Variants in CDH1 observed in about 807,000 individuals in gnomAD.
CDH1 encodes the protein cadherin 1.
CDH1 carries 35 observed loss-of-function variants against 84.5 expected under a neutral mutation model. The observed-to-expected ratio is 0.41, with a 90% CI of 0.32 to 0.55. The LOEUF (loss-of-function observed/expected upper bound fraction) is 0.55, where lower values mean the gene tolerates loss of function less well. Among genes scored for constraint, CDH1 ranks in the 20% least tolerant of loss-of-function variants. The pLI is 0.19. For missense variants in CDH1, 994 were observed against 1,126.6 expected, an observed-to-expected ratio of 0.88 and a Z score of 1.68; for synonymous variants, 417 against 439.0, an observed-to-expected ratio of 0.95 and a Z score of 0.63.
chr16:68,833,191 G>T, intron 15 of CDH1, 99 bp from the exon 16 acceptor site: 3 of 971,640 alleles, frequency 3.1e-6, no homozygotes, highest in Non-Finnish European at 5.0e-6. Context: ...CACAAGTCTG[G>T]GTGCATTGTC....
rs1597897961 is a variant in CDH1 at position 68,815,613 on chromosome 16, C to T, written c.1419C>T (p.Val473=). Residue 473 remains valine (V), a synonymous_variant, in exon 10 of 16, where the codon GTC becomes GTT. Coordinates refer to ENST00000261769, the MANE Select transcript of CDH1 (RefSeq NM_004360.5). ...CTCTCACCACCTCCACAGCCACCGT[C>T]ACCGTGGATGTGCTGGATGTGAATG... ...EVSLTTSTAT[V]TVDVLDVNEA... 6.2e-7 allele frequency: 1 copy of T among 1,614,222 alleles called. No homozygotes were observed. Among genetic ancestry groups the T allele is most frequent in the Middle Eastern group, 1.6e-4 (1 of 6,062 alleles).
At chr16:68,764,393 A>G (rs1959310732) in intron 2 of CDH1, among the ~76,000 whole-genome samples, 2 of 152,222 alleles carry the variant, frequency 1.3e-5, no homozygotes, top group Admixed American at 6.5e-5. Context: ...CCTGGCCAAC[A>G]TGGCGAATCC....
chr16:68,790,250 G>A lies in CDH1; in HGVS notation c.164-11420G>A, dbSNP rs772759145. Among the ~76,000 whole-genome samples, 55 of 152,256 alleles carry A rather than the reference G, an allele frequency of 3.6e-4. 1 individual carries two copies. Among genetic ancestry groups the A allele is most frequent in the Middle Eastern group, 3.4e-3 (1 of 294 alleles). ...GCCTGTCAGCTGCCCTTTCCTGCAC[G>A]GGGCATCAGGGAGAGAGAGGAGGAG... On this transcript the variant is annotated intron_variant, in intron 2 of 15. Transcript: ENST00000261769.
intron 7 of CDH1, 131 bp from the exon 8 acceptor site, chr16:68,812,004 C>A (rs1960849962): frequency 6.8e-7 from 1 of 1,480,464 alleles, no homozygotes; most frequent in Non-Finnish European, 9.4e-7. Context: ...CCCAGAGGTT[C>A]CGTGCCTAGA....
chr16:68,814,018 C>CCTG (rs1306737166), intron 9 of CDH1, among the ~76,000 whole-genome samples: 1 of 152,080 alleles, frequency 6.6e-6, no homozygotes, highest in Non-Finnish European at 1.5e-5. Context: ...GGGCAGATCA[C>CCTG]AAGGTCAAGA....
At chr16:68,792,346 C>T (rs951052879) in intron 2 of CDH1, among the ~76,000 whole-genome samples, 18 of 152,054 alleles carry the variant, frequency 1.2e-4, no homozygotes, top group African/African-American at 3.9e-4. Context: ...TCTCCTGCCT[C>T]AGCCTCCCGA....
chr16:68,740,829 T>C (rs968837066), intron 2 of CDH1, among the ~76,000 whole-genome samples: 2 of 152,192 alleles, frequency 1.3e-5, no homozygotes, highest in African/African-American at 2.4e-5. Context: ...GGCACTGTTA[T>C]TCTTCCTACT....
chr16:68,768,754 A>G (rs1959458981), intron 2 of CDH1, among the ~76,000 whole-genome samples: 2 of 152,218 alleles, frequency 1.3e-5, no homozygotes. Flanking sequence ...CCACCGGGGA[A>G]CATTTTTGTA....
intron 2 of CDH1, among the ~76,000 whole-genome samples, chr16:68,773,119 A>T (rs1231509299): frequency 1.3e-5 from 2 of 152,092 alleles, no homozygotes; most frequent in African/African-American, 4.8e-5. Context: ...TTGTAACACC[A>T]GGTGTGGATG....
Position 68,833,631 on chromosome 16 carries a change from TA to T in CDH1, c.*133del. The stretch of plus-strand genomic sequence containing the variant: ...AAAAGAGACTGGTTAGTGATGCAGT[TA>T]GTATAGCTTTATACTCTCTCCACTT... On this transcript the variant is annotated 3_prime_UTR_variant, in exon 16 of 16. Coordinates refer to ENST00000261769, the MANE Select transcript of CDH1 (RefSeq NM_004360.5). 1 of 727,376 alleles carries T rather than the reference TA, an allele frequency of 1.4e-6. No homozygotes were observed. 45.1% of individuals were successfully genotyped at this position (727,376 alleles called of 1,614,324 possible).
At chr16:68,820,053 G>A (rs971330296) in intron 11 of CDH1, among the ~76,000 whole-genome samples, 5 of 151,892 alleles carry the variant, frequency 3.3e-5, no homozygotes, top group Non-Finnish European at 7.4e-5. Context: ...ACATAAATTA[G>A]CTGAGTGTGT....
At chr16:68,821,891 G>A in intron 11 of CDH1, 110 bp from the exon 12 acceptor site, 3 of 852,888 alleles carry the variant, frequency 3.5e-6, no homozygotes, top group South Asian at 1.4e-5. Context: ...GTGGGGCCTG[G>A]TGAGGGACCA....
intron 2 of CDH1, among the ~76,000 whole-genome samples, chr16:68,744,878 C>A (rs1386792317): frequency 1.3e-5 from 2 of 152,142 alleles, no homozygotes; most frequent in Non-Finnish European, 2.9e-5. Flanking sequence ...AAAAGATCCC[C>A]TGCGCTCCCT....
chr16:68,742,139 G>A (rs546146253), intron 2 of CDH1, among the ~76,000 whole-genome samples: 1 of 152,318 alleles, frequency 6.6e-6, no homozygotes, highest in East Asian at 1.9e-4. Flanking sequence ...GGCTTTCCCA[G>A]TGATTGTTTT....
intron 12 of CDH1, chr16:68,822,887 G>T (rs905014767): frequency 4.6e-6 from 1 of 219,540 alleles, no homozygotes; most frequent in Non-Finnish European, 9.0e-6. Flanking sequence ...AGTCACTCTG[G>T]CCCTGGAGAA....
intron 14 of CDH1, 149 bp downstream of exon 14, chr16:68,828,453 GACC>G: frequency 2.7e-6 from 2 of 748,778 alleles, no homozygotes; most frequent in African/African-American, 3.4e-5. Flanking sequence ...CATTGTCATT[GACC>G]ATCATCATCA....
chr16:68,738,029 A>C (rs1421027580), intron 1 of CDH1, among the ~76,000 whole-genome samples: 1 of 152,022 alleles, frequency 6.6e-6, no homozygotes, highest in African/African-American at 2.4e-5. Flanking sequence ...TCTCCAATAA[A>C]ATGAGAAAGG....
chr16:68,792,375 A>G (rs1233374280), intron 2 of CDH1, among the ~76,000 whole-genome samples: 1 of 151,986 alleles, frequency 6.6e-6, no homozygotes, highest in Admixed American at 6.6e-5. Flanking sequence ...GATTACAGGC[A>G]TGCGCCACCA....
At chr16:68,745,403 G>A (rs1186490658) in intron 2 of CDH1, among the ~76,000 whole-genome samples, 6 of 150,830 alleles carry the variant, frequency 4.0e-5, no homozygotes, top group Non-Finnish European at 8.8e-5. Flanking sequence ...TTTGCTGGGC[G>A]TGGTGGCATG....
Sources: gnomAD v4.1 joint callset for allele counts (sites outside exome capture counted in the v4.1 genomes callset) on GRCh38, gnomAD v4.1.1 for gene constraint, MANE v1.5 for transcripts, NCBI Gene and HGNC (gene_info 2026-07-23, HGNC 2026-07-21) for gene names.